DACH2: variants seen among roughly 807,000 people sequenced by gnomAD.
The protein encoded by DACH2 is dachshund homolog 2.
In DACH2, 17 loss-of-function variants were observed where a neutral mutation model predicts 35.8. The ratio of observed to expected loss-of-function variants is 0.48; its 90% CI spans 0.33 to 0.71. DACH2 has a LOEUF of 0.71. Ranked by LOEUF, DACH2 falls within the 30% of genes least tolerant of loss-of-function variation. DACH2 has a pLI of 0.02. For missense variants in DACH2, 469 were observed against 472.7 expected (o/e 0.99, Z 0.07); for synonymous variants, 195 against 177.3 (o/e 1.10, Z -0.79).
intron 7 of DACH2, chrX:86,799,347 A>G (rs1169146144): frequency 7.9e-6 from 1 of 126,476 alleles, no homozygotes; most frequent in Non-Finnish European, 1.6e-5. Flanking sequence ...ATGGGAATAA[A>G]TATACAACTT....
chrX:86,701,740 T>A (rs1475753748), intron 5 of DACH2, among the ~76,000 whole-genome samples: 1 of 111,509 alleles, frequency 9.0e-6, no homozygotes, highest in Non-Finnish European at 1.9e-5. Flanking sequence ...CTGGAGGCCA[T>A]TACCCTAAGA....
At chrX:86,485,116 C>A (rs1264307000) in intron 2 of DACH2, among the ~76,000 whole-genome samples, 1 of 111,408 alleles carries the variant, frequency 9.0e-6, no homozygotes, top group Admixed American at 9.6e-5. Flanking sequence ...ATATAATATA[C>A]AGATTAGGAA....
At chrX:86,638,043 G>T (rs1180496024) in intron 3 of DACH2, among the ~76,000 whole-genome samples, 2 of 93,325 alleles carry the variant, frequency 2.1e-5, no homozygotes, top group Admixed American at 2.2e-4. Flanking sequence ...AAAACAATAA[G>T]AAACTGGTGT....
intron 3 of DACH2, among the ~76,000 whole-genome samples, chrX:86,535,451 C>T (rs1025500359): frequency 1.8e-5 from 2 of 111,780 alleles, no homozygotes; most frequent in East Asian, 2.8e-4. Flanking sequence ...AAAACTATTT[C>T]AGGCCATGAT....
intron 2 of DACH2, among the ~76,000 whole-genome samples, chrX:86,430,646 T>C (rs781326654): frequency 5.3e-5 from 6 of 112,318 alleles, no homozygotes; most frequent in African/African-American, 1.9e-4. Flanking sequence ...GGCCATTTCC[T>C]ACAGCCAGTT....
intron 6 of DACH2, among the ~76,000 whole-genome samples, chrX:86,716,807 T>A (rs1196866731): frequency 8.9e-6 from 1 of 112,091 alleles, no homozygotes; most frequent in Non-Finnish European, 1.9e-5. Context: ...ATCCAAATAT[T>A]GTTTTATTTT....
At chrX:86,287,157 A>C (rs776022301) in intron 1 of DACH2, among the ~76,000 whole-genome samples, 39 of 81,768 alleles carry the variant, frequency 4.8e-4, no homozygotes, top group Non-Finnish European at 7.5e-4. Context: ...CAGATATGCT[A>C]TTCTAGGGTA....
At chrX:86,807,116 CA>C (rs2042352091) in intron 7 of DACH2, among the ~76,000 whole-genome samples, 1 of 111,513 alleles carries the variant, frequency 9.0e-6, no homozygotes, top group African/African-American at 3.3e-5. Flanking sequence ...ACTTGGAAAG[CA>C]AAAGTGGGCT....
intron 5 of DACH2, among the ~76,000 whole-genome samples, chrX:86,704,219 G>A (rs1033966753): frequency 9.0e-6 from 1 of 111,539 alleles, no homozygotes; most frequent in African/African-American, 3.3e-5. Context: ...TCAACAAATG[G>A]TGCTTGGAAA....
intron 2 of DACH2, among the ~76,000 whole-genome samples, chrX:86,391,839 T>A (rs1031370441): frequency 3.6e-5 from 4 of 111,611 alleles, no homozygotes; most frequent in Non-Finnish European, 5.7e-5. Context: ...GTAAGAATGA[T>A]TTACCTTTAC....
chrX:86,194,919 G>A (rs1298069815), intron 1 of DACH2, among the ~76,000 whole-genome samples: 1 of 112,466 alleles, frequency 8.9e-6, no homozygotes, highest in Non-Finnish European at 1.9e-5. Context: ...CTCTCCCGGG[G>A]CCCCATCCTG....
At chrX:86,790,639 T>C (rs1441047985) in intron 7 of DACH2, among the ~76,000 whole-genome samples, 4 of 111,689 alleles carry the variant, frequency 3.6e-5, no homozygotes, top group Admixed American at 9.5e-5. Flanking sequence ...CTCAACCTCC[T>C]GGGCTCAAGG....
chrX:86,178,760 G>A (rs1189604541), intron 1 of DACH2, among the ~76,000 whole-genome samples: 1 of 111,027 alleles, frequency 9.0e-6, no homozygotes, highest in Non-Finnish European at 1.9e-5. Context: ...AGATTAATAA[G>A]CCTCATGTAC....
chrX:86,701,401 A>G (rs1173048484), intron 5 of DACH2, among the ~76,000 whole-genome samples: 1 of 111,609 alleles, frequency 9.0e-6, no homozygotes, highest in Non-Finnish European at 1.9e-5. Context: ...CACAGCCAAC[A>G]TCACACTGAA....
intron 7 of DACH2, among the ~76,000 whole-genome samples, chrX:86,761,697 A>G (rs1302527618): frequency 8.9e-6 from 1 of 111,817 alleles, no homozygotes; most frequent in Non-Finnish European, 1.9e-5. Context: ...CATATAAACA[A>G]CTATTATTTT....
At chrX:86,215,032 TTGTC>T (rs1322110795) in intron 1 of DACH2, among the ~76,000 whole-genome samples, 1 of 111,592 alleles carries the variant, frequency 9.0e-6, no homozygotes, top group Non-Finnish European at 1.9e-5. Context: ...TCTCTCCCCT[TTGTC>T]TGTCTTATTC....
intron 1 of DACH2, among the ~76,000 whole-genome samples, chrX:86,278,317 G>A (rs1247047886): frequency 1.8e-5 from 2 of 111,726 alleles, no homozygotes; most frequent in South Asian, 3.8e-4. Flanking sequence ...ATTGGGCTAC[G>A]AAGTTTTGCC....
chrX:86,413,938 G>C (rs1053079469), intron 2 of DACH2, among the ~76,000 whole-genome samples: 11 of 111,390 alleles, frequency 9.9e-5, no homozygotes, highest in African/African-American at 3.6e-4. Context: ...GGGTCCCCTG[G>C]AATCAATGTC....
At chrX:86,616,343 G>A (rs6617247) in intron 3 of DACH2, among the ~76,000 whole-genome samples, 20,925 of 110,925 alleles carry the variant, frequency 0.19, 1,484 homozygotes, top group South Asian at 0.36. Context: ...TTGAGGAATC[G>A]CCACATTGTT....
Sources: allele counts gnomAD v4.1 joint callset (sites outside exome capture counted in the v4.1 genomes callset), GRCh38; gene constraint gnomAD v4.1.1; transcripts MANE v1.5; gene names NCBI Gene and HGNC (gene_info 2026-07-23, HGNC 2026-07-21).